The following COL5A2 variants were observed in gnomAD, a reference collection of about 807,000 sequenced individuals.
The protein encoded by COL5A2 is collagen alpha-2(V) chain.
In COL5A2, 23 loss-of-function variants were observed where a neutral mutation model predicts 208.2. That is an observed-to-expected ratio of 0.11 (90% confidence interval 0.08 to 0.16). COL5A2 has a LOEUF of 0.16. Among genes scored for constraint, COL5A2 ranks in the 10% least tolerant of loss-of-function variants. The pLI, the probability that COL5A2 is intolerant of heterozygous loss-of-function variation, is 1.00. For synonymous variants in COL5A2, 625 were observed against 628.5 expected (o/e 0.99, Z 0.08); for missense variants, 1,590 against 1,956.4 (o/e 0.81, Z 3.53).
the COL5A2 span, among the ~76,000 whole-genome samples, chr2:189,331,348 G>A: frequency 7.9e-5 from 12 of 152,126 alleles, no homozygotes; most frequent in African/African-American, 2.4e-4. Context: ...GGTCAACATG[G>A]TGAAATCCCA....
At chr2:189,117,557 T>C (rs1687417078) in intron 1 of COL5A2, among the ~76,000 whole-genome samples, 1 of 152,080 alleles carries the variant, frequency 6.6e-6, no homozygotes. Flanking sequence ...CTTAACTGTT[T>C]CTCTTTCAAA....
At chr2:189,162,004 G>A (rs1481413570) in intron 1 of COL5A2, among the ~76,000 whole-genome samples, 1 of 152,170 alleles carries the variant, frequency 6.6e-6, no homozygotes, top group African/African-American at 2.4e-5. Flanking sequence ...AAGGGATAAG[G>A]AAAATAACAG....
At chr2:189,135,337 G>T (rs903208273) in intron 1 of COL5A2, among the ~76,000 whole-genome samples, 1 of 152,134 alleles carries the variant, frequency 6.6e-6, no homozygotes, top group Non-Finnish European at 1.5e-5. Context: ...TATTTTATGA[G>T]AAAATATTGC....
At chr2:189,212,210 A>C (rs1689221489) in intron 1 of COL5A2, among the ~76,000 whole-genome samples, 1 of 152,156 alleles carries the variant, frequency 6.6e-6, no homozygotes, top group Non-Finnish European at 1.5e-5. Flanking sequence ...ACCTAAGGCA[A>C]ATTGCTTCCA....
chr2:189,057,292 A>AG lies in COL5A2; in HGVS notation c.2337+27_2337+28insC, dbSNP rs1262131748. 9.2e-6 allele frequency: 8 copies of AG among 871,274 alleles called. No homozygotes were observed. Among genetic ancestry groups the AG allele is most frequent in the African/African-American group, 4.1e-5 (2 of 49,026 alleles). The allele number at this position is 871,274 out of a possible 1,614,324, so 54.0% of individuals were successfully genotyped here. A position where few individuals can be genotyped will look rare whatever the true frequency, so the allele number is the denominator to read the frequency against. ...CAGAAAGTCTGAATAAATGAACTGA[A>AG]AAAAAAAAAAAAAAAAAAAGGACTT... On this transcript the variant is annotated intron_variant, in intron 34 of 53. Transcript: ENST00000374866.
chr2:189,217,836 G>A (rs986163224), intron 1 of COL5A2, among the ~76,000 whole-genome samples: 4 of 152,098 alleles, frequency 2.6e-5, no homozygotes, highest in South Asian at 2.1e-4. Flanking sequence ...TGATGATGAC[G>A]CTCAGAGCAC....
chr2:189,239,524 A>G, the COL5A2 span, among the ~76,000 whole-genome samples: 2 of 151,250 alleles, frequency 1.3e-5, no homozygotes, highest in African/African-American at 4.9e-5. Context: ...CTGGCTTAAA[A>G]AACCAAACAC....
intron 6 of COL5A2, among the ~76,000 whole-genome samples, chr2:189,096,767 A>G (rs189058201): frequency 3.9e-5 from 6 of 152,214 alleles, no homozygotes; most frequent in Admixed American, 3.9e-4. Context: ...TGAGGTCACT[A>G]TTTTATTGTA....
the COL5A2 span, among the ~76,000 whole-genome samples, chr2:189,344,124 CACAT>C: frequency 6.6e-6 from 1 of 152,150 alleles, no homozygotes; most frequent in African/African-American, 2.4e-5. Flanking sequence ...TGTATACACA[CACAT>C]AAACAAAGAT....
intron 1 of COL5A2, among the ~76,000 whole-genome samples, chr2:189,211,184 T>TAG (rs2105867952): frequency 6.6e-6 from 1 of 152,282 alleles, no homozygotes; most frequent in East Asian, 1.9e-4. Context: ...CCAGAGCATA[T>TAG]AGAGATCATC....
At chr2:189,084,619 T>A (rs997364728) in intron 11 of COL5A2, among the ~76,000 whole-genome samples, 2 of 152,206 alleles carry the variant, frequency 1.3e-5, no homozygotes, top group African/African-American at 4.8e-5. Flanking sequence ...CAACTAAGAA[T>A]CTAGAAATGT....
chr2:189,283,432 C>A, the COL5A2 span, among the ~76,000 whole-genome samples: 1 of 151,960 alleles, frequency 6.6e-6, no homozygotes, highest in Non-Finnish European at 1.5e-5. Flanking sequence ...TAACCCCAGT[C>A]TAATCATGAG....
the COL5A2 span, among the ~76,000 whole-genome samples, chr2:189,338,379 C>G: frequency 2.0e-5 from 3 of 152,134 alleles, no homozygotes; most frequent in East Asian, 1.9e-4. Flanking sequence ...CTAACCCCAG[C>G]TCTCTTGTTT....
At chr2:189,229,857 C>G (rs538486468), upstream of COL5A2, among the ~76,000 whole-genome samples, 37 of 151,756 alleles carry the variant, frequency 2.4e-4, 1 homozygote, top group Admixed American at 2.4e-3. Flanking sequence ...GCCACAAAGA[C>G]CCCAACTGGC....
the COL5A2 span, among the ~76,000 whole-genome samples, chr2:189,397,110 G>A: frequency 5.9e-5 from 9 of 152,076 alleles, no homozygotes; most frequent in Non-Finnish European, 1.3e-4. Flanking sequence ...CAAAGTAACA[G>A]TATTTGGATA....
At chr2:189,079,454 T>C (rs1686485130) in intron 14 of COL5A2, among the ~76,000 whole-genome samples, 2 of 152,150 alleles carry the variant, frequency 1.3e-5, no homozygotes, top group Admixed American at 6.6e-5. Flanking sequence ...TTAAGATCTA[T>C]TCTAGGAGAC....
chr2:189,153,727 C>A (rs972989749), intron 1 of COL5A2, among the ~76,000 whole-genome samples: 7 of 151,964 alleles, frequency 4.6e-5, no homozygotes, highest in Non-Finnish European at 1.0e-4. Context: ...TCTATATACT[C>A]TCTGGTTTCT....
chr2:189,092,128 C>T (rs72906317), intron 7 of COL5A2, among the ~76,000 whole-genome samples, 182 bp downstream of exon 7: 4 of 152,186 alleles, frequency 2.6e-5, no homozygotes, highest in Admixed American at 2.6e-4. Context: ...ATACTTCTTC[C>T]AATTTTTCCA....
At chr2:189,307,257 T>C in the COL5A2 span, among the ~76,000 whole-genome samples, 1 of 152,164 alleles carries the variant, frequency 6.6e-6, no homozygotes, top group East Asian at 1.9e-4. Flanking sequence ...AGCAATTGTG[T>C]ACTCTGGTTA....
Sources: allele counts gnomAD v4.1 joint callset (sites outside exome capture counted in the v4.1 genomes callset), GRCh38; gene constraint gnomAD v4.1.1; transcripts MANE v1.5; gene names NCBI Gene and HGNC (gene_info 2026-07-23, HGNC 2026-07-21).